DMD: variants seen among roughly 807,000 people sequenced by gnomAD.
The protein encoded by DMD is dystrophin, also known as mutant dystrophin.
In DMD, 63 loss-of-function variants were observed where a neutral mutation model predicts 330.1. That is an observed-to-expected ratio of 0.19 (90% CI 0.16 to 0.24). The LOEUF (loss-of-function observed/expected upper bound fraction) is 0.24. DMD is among the 10% of genes least tolerant of loss of function. The pLI is 1.00. For missense variants in DMD, 3,344 were observed against 2,684.1 expected, an observed-to-expected ratio of 1.25 and a Z score of -5.43; for synonymous variants, 1,223 against 959.8, an observed-to-expected ratio of 1.27 and a Z score of -5.07.
Position 33,166,886 on chromosome X carries a change from A to G in DMD, c.31+44396T>C, listed in dbSNP as rs149585870. ...AAATAAAAGAATTAATTTCTACTCA[A>G]ATAAATCTAGAAGGCTATTAATGGG... On this transcript the variant is annotated intron_variant, in intron 1 of 78. Transcript: ENST00000357033. Among the ~76,000 whole-genome samples the G allele has an allele frequency of 8.2e-3, 911 of 110,801 alleles. 16 individuals carry two copies. The highest frequency in any genetic ancestry group is 0.056 in the Admixed American group (579 of 10,284).
At chrX:31,868,149 G>A (rs949177659) in intron 48 of DMD, among the ~76,000 whole-genome samples, 2 of 112,030 alleles carry the variant, frequency 1.8e-5, no homozygotes, top group African/African-American at 6.5e-5. Context: ...CTGTGAAGAA[G>A]CTGATGAGTT....
intron 47 of DMD, among the ~76,000 whole-genome samples, chrX:31,893,290 A>C (rs925196759): frequency 9.0e-6 from 1 of 111,403 alleles, no homozygotes; most frequent in African/African-American, 3.3e-5. Context: ...TCCTAGACTC[A>C]TTGAAAAGAA....
intron 7 of DMD, among the ~76,000 whole-genome samples, chrX:32,748,005 T>G (rs978322854): frequency 3.6e-5 from 4 of 111,780 alleles, no homozygotes; most frequent in African/African-American, 1.3e-4. Context: ...ACTTACTATA[T>G]GACAAGCACA....
At chrX:33,306,429 C>T (rs2053763472) in intron 1 of DMD, among the ~76,000 whole-genome samples, 1 of 111,327 alleles carries the variant, frequency 9.0e-6, no homozygotes, top group African/African-American at 3.3e-5. Context: ...CATAGTAGAG[C>T]TGAAAATCTG....
At chrX:32,280,159 TATACAGTATATATATATATATATATATAC>T (rs1487322905) in intron 43 of DMD, among the ~76,000 whole-genome samples, 19 of 16,034 alleles carry the variant, frequency 1.2e-3, no homozygotes, top group Non-Finnish European at 2.0e-3. Flanking sequence ...TATATATATA[TATACAGTATATATATATATATATATATAC>T]ACACTATGTA....
intron 43 of DMD, among the ~76,000 whole-genome samples, chrX:32,235,995 T>G (rs1320575599): frequency 8.9e-6 from 1 of 111,865 alleles, no homozygotes; most frequent in Admixed American, 9.5e-5. Context: ...ATTTATTAGT[T>G]CTCTAACCTA....
At chrX:31,889,647 T>TCTCTCTCACACA (rs796563415) in intron 47 of DMD, among the ~76,000 whole-genome samples, 14 of 71,594 alleles carry the variant, frequency 2.0e-4, no homozygotes, top group African/African-American at 7.9e-4. Flanking sequence ...TCTCTCTCTC[T>TCTCTCTCACACA]CACACACACA....
At chrX:33,248,195 C>T (rs1168118739) in intron 1 of DMD, among the ~76,000 whole-genome samples, 2 of 110,257 alleles carry the variant, frequency 1.8e-5, no homozygotes, top group Non-Finnish European at 3.8e-5. Flanking sequence ...GCACCCGCCA[C>T]CACGCCTGAC....
At chrX:32,286,075 G>T (rs1377057480) in intron 43 of DMD, among the ~76,000 whole-genome samples, 1 of 110,866 alleles carries the variant, frequency 9.0e-6, no homozygotes, top group Non-Finnish European at 1.9e-5. Context: ...GGAGGCTTGA[G>T]TCCAGACACA....
chrX:31,360,968 G>T (rs2058907827), intron 60 of DMD, among the ~76,000 whole-genome samples: 1 of 111,460 alleles, frequency 9.0e-6, no homozygotes, highest in Non-Finnish European at 1.9e-5. Context: ...TGTATTAAAA[G>T]GTGGGGCTGG....
At chrX:31,924,163 T>C (rs2094734553) in intron 47 of DMD, among the ~76,000 whole-genome samples, 1 of 111,703 alleles carries the variant, frequency 9.0e-6, no homozygotes, top group Non-Finnish European at 1.9e-5. Flanking sequence ...GATTCTATTA[T>C]TTGGTTGAAA....
intron 2 of DMD, among the ~76,000 whole-genome samples, chrX:32,874,036 A>G (rs758686234): frequency 2.4e-4 from 27 of 112,030 alleles, no homozygotes; most frequent in African/African-American, 8.4e-4. Flanking sequence ...CATTTCTAAC[A>G]AAACCTCAAC....
At chrX:32,560,127 AAAG>A (rs2050815237) in intron 16 of DMD, among the ~76,000 whole-genome samples, 1 of 110,196 alleles carries the variant, frequency 9.1e-6, no homozygotes, top group Non-Finnish European at 1.9e-5. Context: ...TATTCCTGAG[AAAG>A]AAGACAATTT....
At chrX:31,810,311 G>A (rs1264057778) in intron 50 of DMD, among the ~76,000 whole-genome samples, 2 of 111,343 alleles carry the variant, frequency 1.8e-5, no homozygotes, top group Admixed American at 1.9e-4. Flanking sequence ...CAGCTGTTTT[G>A]TTGCCAGACC....
At chrX:31,815,921 A>C (rs1190748859) in intron 50 of DMD, among the ~76,000 whole-genome samples, 1 of 111,876 alleles carries the variant, frequency 8.9e-6, no homozygotes, top group Non-Finnish European at 1.9e-5. Context: ...AGCCTACAGG[A>C]TGATGAGTGG....
chrX:33,083,408 T>G (rs2094959482), intron 1 of DMD, among the ~76,000 whole-genome samples: 1 of 111,696 alleles, frequency 9.0e-6, no homozygotes, highest in Non-Finnish European at 1.9e-5. Flanking sequence ...TTCATCTTGG[T>G]CCCTGTTGTC....
rs753720242 is a variant in DMD at position 31,267,246 on chromosome X, T to C, written c.9225-6230A>G. On this transcript the variant is annotated intron_variant, in intron 62 of 78. Coordinates refer to ENST00000357033, the MANE Select transcript of DMD (RefSeq NM_004006.3). ...TTGTTGTCTAAATAAATGACCCAGGTGCAAATGACCTCATCCCAGATAATT... is the reference window on the plus strand; with the variant it reads ...TTGTTGTCTAAATAAATGACCCAGGCGCAAATGACCTCATCCCAGATAATT... 4.5e-5 allele frequency among the ~76,000 whole-genome samples: 5 copies of C among 112,196 alleles called. No individual in the cohort carries two copies. The East Asian group carries it at 1.4e-3, about 31-fold the overall frequency.
intron 44 of DMD, among the ~76,000 whole-genome samples, chrX:32,054,860 G>GAGGGA (rs1212668425): frequency 3.6e-5 from 3 of 83,304 alleles, no homozygotes; most frequent in Non-Finnish European, 4.7e-5. Context: ...AAGGAGAGGG[G>GAGGGA]AGGGAAGGGA....
At chrX:32,467,196 G>C (rs1194359965) in intron 23 of DMD, among the ~76,000 whole-genome samples, 1 of 112,376 alleles carries the variant, frequency 8.9e-6, no homozygotes, top group Non-Finnish European at 1.9e-5. Context: ...AAACTAAGCA[G>C]CTAGACTGGG....
Sources: gnomAD v4.1 joint callset for allele counts (sites outside exome capture counted in the v4.1 genomes callset) on GRCh38, gnomAD v4.1.1 for gene constraint, MANE v1.5 for transcripts, NCBI Gene and HGNC (gene_info 2026-07-23, HGNC 2026-07-21) for gene names.